The following MCU variants were observed in gnomAD, a reference collection of about 807,000 sequenced individuals.
MCU encodes mitochondrial calcium uniporter, also known as calcium uniporter protein, mitochondrial.
In MCU, 12 loss-of-function variants were observed where a neutral mutation model predicts 45.2. The ratio of observed to expected loss-of-function variants is 0.27; its 90% CI spans 0.17 to 0.43. MCU has a LOEUF of 0.43. Ranked by LOEUF, MCU falls within the 20% of genes least tolerant of loss-of-function variation. MCU has a pLI of 1.00. For missense variants in MCU, 324 were observed against 436.7 expected (o/e 0.74, Z 2.30); for synonymous variants, 160 against 165.1 (o/e 0.97, Z 0.24).
chr10:72,719,971 A>G (rs1056543409), intron 1 of MCU, among the ~76,000 whole-genome samples: 3 of 152,178 alleles, frequency 2.0e-5, no homozygotes, highest in Non-Finnish European at 2.9e-5. Context: ...TCCTGGCCTC[A>G]AGTGACCCTC....
chr10:72,840,533 CT>C (rs1360088990), intron 2 of MCU, among the ~76,000 whole-genome samples: 4 of 152,146 alleles, frequency 2.6e-5, no homozygotes, highest in African/African-American at 9.7e-5. Flanking sequence ...GTTGGAAATT[CT>C]GTGTCATTAT....
At chr10:72,804,070 AT>A (rs1844389803) in intron 1 of MCU, among the ~76,000 whole-genome samples, 3 of 72,766 alleles carry the variant, frequency 4.1e-5, no homozygotes, top group African/African-American at 2.0e-4. Context: ...ATATATATAT[AT>A]ATAAAATAAG....
rs199754175 is a variant in MCU, at chr10:72,797,230, TA to T, written c.151-37128del. On this transcript the variant is annotated intron_variant, in intron 1 of 7. Transcript: ENST00000373053. Reference sequence around the variant, plus strand: ...AACATACTTTTATTTTATTTTATTTTATTTTTTTTTTAAGACGGGATCTCAC... The same window carrying T: ...AACATACTTTTATTTTATTTTATTTTTTTTTTTTTTAAGACGGGATCTCAC... Among the ~76,000 whole-genome samples, 25 of 149,754 alleles carry T rather than the reference TA, an allele frequency of 1.7e-4. 1 individual carries two copies. Among genetic ancestry groups the T allele is most frequent in the African/African-American group, 4.8e-4 (19 of 39,974 alleles).
At chr10:72,869,587 A>AAAAC (rs1220795706) in intron 5 of MCU, among the ~76,000 whole-genome samples, 1 of 152,212 alleles carries the variant, frequency 6.6e-6, no homozygotes, top group Non-Finnish European at 1.5e-5. Context: ...GACTGTCTCA[A>AAAAC]AAACAAACAA....
intron 1 of MCU, among the ~76,000 whole-genome samples, chr10:72,711,757 G>C (rs1174486964): frequency 6.9e-6 from 1 of 145,592 alleles, no homozygotes; most frequent in African/African-American, 2.5e-5. Context: ...TGTCCCCCAG[G>C]CTGGAGTGCA....
rs191260824 is a variant in MCU, at chr10:72,735,210, A to G, written c.150+42909A>G. On this transcript the variant is annotated intron_variant, in intron 1 of 7. Coordinates refer to ENST00000373053, the MANE Select transcript of MCU (RefSeq NM_138357.3). ...TTAATGACTTGCTTTGCAAACCCAT[A>G]TATGACCTGGAACTGGCAATGAAAA... 3.9e-5 allele frequency among the ~76,000 whole-genome samples: 6 copies of G among 151,986 alleles called. No individual in the cohort carries two copies. In the East Asian group the frequency reaches 5.8e-4, roughly 15 times the overall value.
chr10:72,800,697 G>A (rs1844325659), intron 1 of MCU, among the ~76,000 whole-genome samples: 1 of 152,166 alleles, frequency 6.6e-6, no homozygotes, highest in South Asian at 2.1e-4. Flanking sequence ...AGAGAGCTGT[G>A]CCTTCCTAAA....
intron 1 of MCU, among the ~76,000 whole-genome samples, chr10:72,726,186 C>T (rs559619083): frequency 9.9e-5 from 15 of 151,946 alleles, no homozygotes; most frequent in African/African-American, 3.6e-4. Context: ...AGGCATTGGC[C>T]GTGGCACCTG....
At chr10:72,825,276 A>G (rs1471070741) in intron 1 of MCU, among the ~76,000 whole-genome samples, 3 of 151,964 alleles carry the variant, frequency 2.0e-5, no homozygotes, top group Non-Finnish European at 2.9e-5. Flanking sequence ...TCTTATACCC[A>G]TTACCTAGAT....
intron 6 of MCU, among the ~76,000 whole-genome samples, chr10:72,882,537 G>A (rs1220505095): frequency 6.6e-6 from 1 of 152,106 alleles, no homozygotes; most frequent in Non-Finnish European, 1.5e-5. Flanking sequence ...GAAACTGTAG[G>A]GATGAAATAA....
At chr10:72,717,286 G>GTTTTTTTTTT in intron 1 of MCU, among the ~76,000 whole-genome samples, 1 of 150,478 alleles carries the variant, frequency 6.6e-6, no homozygotes. Context: ...TGGAGATACA[G>GTTTTTTTTTT]TCTCGCTCTG....
intron 2 of MCU, among the ~76,000 whole-genome samples, chr10:72,857,769 T>C (rs1845315514): frequency 6.6e-6 from 1 of 152,202 alleles, no homozygotes; most frequent in African/African-American, 2.4e-5. Context: ...TTTTGATAGT[T>C]GTTCTACTGG....
chr10:72,762,692 A>G (rs529043972), intron 1 of MCU, among the ~76,000 whole-genome samples: 1 of 152,294 alleles, frequency 6.6e-6, no homozygotes, highest in Admixed American at 6.5e-5. Context: ...GAACTATGCT[A>G]GGTACTGGGA....
At chr10:72,732,806 T>G (rs569721229) in intron 1 of MCU, among the ~76,000 whole-genome samples, 46 of 152,378 alleles carry the variant, frequency 3.0e-4, no homozygotes, top group African/African-American at 1.1e-3. Context: ...AACTAGATCA[T>G]GTAGCTATGG....
At chr10:72,755,751 C>CTTG (rs773030192) in intron 1 of MCU, among the ~76,000 whole-genome samples, 2 of 151,956 alleles carry the variant, frequency 1.3e-5, no homozygotes, top group African/African-American at 2.4e-5. Context: ...CTCTTCAACC[C>CTTG]TTGTTGTTGT....
chr10:72,780,244 G>A (rs1052841499), intron 1 of MCU, among the ~76,000 whole-genome samples: 1 of 152,128 alleles, frequency 6.6e-6, no homozygotes, highest in African/African-American at 2.4e-5. Context: ...TAGATTAGTG[G>A]TTGCCAGGGC....
At chr10:72,814,752 T>C (rs1396661673) in intron 1 of MCU, among the ~76,000 whole-genome samples, 1 of 152,220 alleles carries the variant, frequency 6.6e-6, no homozygotes, top group Non-Finnish European at 1.5e-5. Context: ...GGTTATATTA[T>C]CTTAAGGGTC....
rs1843794633 is a variant in MCU, at chr10:72,770,781, T to C, written c.151-63578T>C. On this transcript the variant is annotated intron_variant, in intron 1 of 7. Transcript: ENST00000373053. The stretch of plus-strand genomic sequence containing the variant: ...AAATATATTACATTCCTAAATGTTA[T>C]AGACCCAGTAGTACAATTATATATA... 3.3e-5 allele frequency among the ~76,000 whole-genome samples: 5 copies of C among 152,158 alleles called. No homozygotes were observed. The South Asian group carries it at 1.0e-3, about 31-fold the overall frequency.
intron 1 of MCU, among the ~76,000 whole-genome samples, chr10:72,818,539 A>G (rs1345067719): frequency 6.6e-6 from 1 of 152,150 alleles, no homozygotes; most frequent in East Asian, 1.9e-4. Flanking sequence ...TTGTGGAGAC[A>G]TAAAAATAGT....
Sources: gnomAD v4.1 joint callset for allele counts (sites outside exome capture counted in the v4.1 genomes callset) on GRCh38, gnomAD v4.1.1 for gene constraint, MANE v1.5 for transcripts, NCBI Gene and HGNC (gene_info 2026-07-23, HGNC 2026-07-21) for gene names.